TRIM37: variants seen among roughly 807,000 people sequenced by gnomAD.
TRIM37 encodes the protein E3 ubiquitin-protein ligase TRIM37.
TRIM37 carries 80 observed loss-of-function variants against 129.8 expected under a neutral mutation model. The ratio of observed to expected loss-of-function variants is 0.62; its 90% CI spans 0.51 to 0.74. The LOEUF (loss-of-function observed/expected upper bound fraction) is 0.74. TRIM37 is among the 30% of genes least tolerant of loss of function. TRIM37 has a pLI of 0.00. For synonymous variants in TRIM37, 389 were observed against 387.1 expected (o/e 1.00, Z -0.06); for missense variants, 1,054 against 1,176.5 (o/e 0.90, Z 1.52).
chr17:59,055,480 G>T (rs749923672), intron 13 of TRIM37, among the ~76,000 whole-genome samples: 3 of 151,788 alleles, frequency 2.0e-5, no homozygotes, highest in African/African-American at 7.3e-5. Context: ...GGCTCAAGAG[G>T]TCAGGAGATC....
At chr17:59,038,541 G>T (rs572166828) in intron 17 of TRIM37, among the ~76,000 whole-genome samples, 2 of 152,182 alleles carry the variant, frequency 1.3e-5, no homozygotes, top group African/African-American at 4.8e-5. Flanking sequence ...ATTCAATATT[G>T]TATCTCTAGA....
intron 4 of TRIM37, 86 bp from the exon 5 acceptor site, chr17:59,084,175 C>A: frequency 9.9e-7 from 1 of 1,012,432 alleles, no homozygotes; most frequent in Non-Finnish European, 1.5e-6. Flanking sequence ...GCAAACAGGT[C>A]AGTTTTAAAT....
intron 2 of TRIM37, among the ~76,000 whole-genome samples, chr17:59,101,693 TATACACACAC>T (rs1434783861): frequency 8.4e-5 from 10 of 118,600 alleles, no homozygotes; most frequent in African/African-American, 2.8e-4. Context: ...TATATATATA[TATACACACAC>T]ACACACACAC....
rs143035753 is a variant in TRIM37 at position 59,036,742 on chromosome 17, T to C, written c.1754-4652A>G. On this transcript the variant is annotated intron_variant, in intron 17 of 23. Transcript: ENST00000262294. The stretch of plus-strand genomic sequence containing the variant: ...ATACCTAGCTTTTATATAAGCCCAA[T>C]CATCCCCTTTTTAACGCATAACTTA... Among the ~76,000 whole-genome samples, 614 of 152,226 alleles carry C rather than the reference T, an allele frequency of 4.0e-3. 5 individuals carry two copies. Among genetic ancestry groups the C allele is most frequent in the Middle Eastern group, 6.8e-3 (2 of 294 alleles).
intron 2 of TRIM37, among the ~76,000 whole-genome samples, chr17:59,093,777 C>G (rs1005496709): frequency 6.6e-6 from 1 of 152,134 alleles, no homozygotes; most frequent in Admixed American, 6.5e-5. Context: ...CTCCATATCC[C>G]GTCTCATAGA....
At chr17:59,046,721 T>C (rs1878310387) in intron 16 of TRIM37, among the ~76,000 whole-genome samples, 1 of 151,306 alleles carries the variant, frequency 6.6e-6, no homozygotes, top group Non-Finnish European at 1.5e-5. Flanking sequence ...TTTGTATTTT[T>C]AGTAGAGACG....
At chr17:59,090,414 C>T (rs1205780818) in intron 3 of TRIM37, among the ~76,000 whole-genome samples, 1 of 151,944 alleles carries the variant, frequency 6.6e-6, no homozygotes, top group East Asian at 1.9e-4. Context: ...AATATAGGCA[C>T]AATCATACTG....
chr17:59,019,449 T>C (rs895913112), intron 19 of TRIM37, among the ~76,000 whole-genome samples: 17 of 152,140 alleles, frequency 1.1e-4, no homozygotes, highest in Non-Finnish European at 2.9e-5. Flanking sequence ...GTGGCTCACA[T>C]CTGTAATCCC....
Position 59,056,925 on chromosome 17 carries a change from T to G in TRIM37, c.1149A>C (p.Leu383Phe), listed in dbSNP as rs767661332. The G allele has an allele frequency of 1.2e-6, 2 of 1,613,776 alleles. No individual in the cohort carries two copies. The highest frequency in any genetic ancestry group is 1.7e-6 in the Non-Finnish European group (2 of 1,179,912). The change falls in exon 13 of 24, where the codon TTA becomes TTC. Residue 383 changes from leucine to phenylalanine, a missense_variant. Physicochemically the swap from Leu to Phe is conservative, Grantham distance 22. Transcript: ENST00000262294. ...GATTCAAGTATCCTTCATTTGCGAG[T>G]AAGTCCAAACGGAAAAATCTATTAT... ...WGYNRFFRLD[L>F]LANEGYLNPQ...
chr17:59,087,804 C>T (rs1244829284), intron 4 of TRIM37, among the ~76,000 whole-genome samples: 1 of 152,092 alleles, frequency 6.6e-6, no homozygotes. Context: ...TACAATTAAC[C>T]ATGTTGTAGC....
chr17:59,054,296 TTTTG>T (rs2040622447), intron 13 of TRIM37, among the ~76,000 whole-genome samples: 1 of 152,154 alleles, frequency 6.6e-6, no homozygotes, highest in African/African-American at 2.4e-5. Flanking sequence ...AAAAACCTTT[TTTTG>T]TTTGTTTTTT....
At chr17:59,023,014 T>G (rs1374592864) in intron 19 of TRIM37, among the ~76,000 whole-genome samples, 1 of 152,124 alleles carries the variant, frequency 6.6e-6, no homozygotes, top group Non-Finnish European at 1.5e-5. Flanking sequence ...TTGAATATAT[T>G]ACTATACTAT....
intron 13 of TRIM37, 50 bp downstream of exon 13, chr17:59,056,825 G>A (rs368565049): frequency 9.4e-5 from 122 of 1,304,568 alleles, no homozygotes; most frequent in Non-Finnish European, 1.2e-4. Context: ...TAGTTCTGAT[G>A]ATATTATTTC....
intron 22 of TRIM37, among the ~76,000 whole-genome samples, chr17:59,005,241 TA>T (rs201495425): frequency 6.6e-6 from 1 of 152,154 alleles, no homozygotes; most frequent in African/African-American, 2.4e-5. Flanking sequence ...ATTATTCTTT[TA>T]AAAAAGTTAT....
intron 7 of TRIM37, among the ~76,000 whole-genome samples, chr17:59,078,828 T>C (rs1044751103): frequency 3.3e-5 from 5 of 152,166 alleles, no homozygotes; most frequent in African/African-American, 1.2e-4. Flanking sequence ...AGAAGAATGA[T>C]TGTTTAAGAC....
chr17:59,066,026 C>G (rs1314576234), intron 9 of TRIM37, among the ~76,000 whole-genome samples: 1 of 152,176 alleles, frequency 6.6e-6, no homozygotes, highest in Non-Finnish European at 1.5e-5. Flanking sequence ...CATTCCTCAT[C>G]CCCATATCCT....
chr17:59,050,296 A>C (rs1480146998), intron 14 of TRIM37, among the ~76,000 whole-genome samples: 1 of 152,226 alleles, frequency 6.6e-6, no homozygotes, highest in Non-Finnish European at 1.5e-5. Flanking sequence ...TGTTCAAAAC[A>C]ACTTTATGCA....
At chr17:59,057,095 G>A in intron 12 of TRIM37, 41 bp from the exon 13 acceptor site, 10 of 1,587,028 alleles carry the variant, frequency 6.3e-6, no homozygotes, top group Non-Finnish European at 8.6e-6. Flanking sequence ...AGTTAGTAAA[G>A]TAAGAATAAA....
Position 59,079,820 on chromosome 17 carries a change from T to C in TRIM37, c.550A>G (p.Asn184Asp). 1 of 1,614,094 alleles carries C rather than the reference T, an allele frequency of 6.2e-7. No individual in the cohort carries two copies. Among genetic ancestry groups the C allele is most frequent in the Admixed American group, 1.7e-5 (1 of 60,010 alleles). ...AKDERVREIR[N>D]AVEMMIARLD... ...CGTGCAATCATCATCTCCACTGCAT[T>C]CCTAATTTCCCGAACACGCTCATCT... Residue 184 changes from asparagine (N) to aspartate (D), a missense_variant, in exon 7 of 24, where the codon AAT becomes GAT. Coordinates refer to ENST00000262294, the MANE Select transcript of TRIM37 (RefSeq NM_015294.6).
Sources: allele counts gnomAD v4.1 joint callset (sites outside exome capture counted in the v4.1 genomes callset), GRCh38; gene constraint gnomAD v4.1.1; transcripts MANE v1.5; gene names NCBI Gene and HGNC (gene_info 2026-07-23, HGNC 2026-07-21).